The following CHRM3 variants were observed in gnomAD, a reference collection of about 807,000 sequenced individuals.
CHRM3 encodes cholinergic receptor muscarinic 3.
CHRM3 carries 11 observed loss-of-function variants against 41.8 expected under a neutral mutation model. That is an observed-to-expected ratio of 0.26 (90% CI 0.17 to 0.44). The LOEUF (loss-of-function observed/expected upper bound fraction) is 0.44, where lower values mean the gene tolerates loss of function less well. CHRM3 is among the 20% of genes least tolerant of loss of function. The pLI, the probability that CHRM3 is intolerant of heterozygous loss-of-function variation, is 1.00. For missense variants in CHRM3, 571 were observed against 745.4 expected (o/e 0.77, Z 2.72); for synonymous variants, 297 against 301.4 (o/e 0.99, Z 0.15).
At chr1:239,438,227 G>A (rs1403576430) in intron 1 of CHRM3, among the ~76,000 whole-genome samples, 3 of 151,970 alleles carry the variant, frequency 2.0e-5, no homozygotes, top group Non-Finnish European at 4.4e-5. Context: ...TAATAGTTAA[G>A]AAAGATTTAC....
intron 6 of CHRM3, among the ~76,000 whole-genome samples, chr1:239,897,141 T>G (rs1007692840): frequency 3.9e-5 from 6 of 152,164 alleles, no homozygotes; most frequent in Non-Finnish European, 5.9e-5. Flanking sequence ...TATGGCAGGT[T>G]GTTAGGCGTT....
intron 1 of CHRM3, among the ~76,000 whole-genome samples, chr1:239,446,256 C>G (rs1160857246): frequency 6.6e-6 from 1 of 152,100 alleles, no homozygotes; most frequent in African/African-American, 2.4e-5. Flanking sequence ...TCTAAACCTT[C>G]AAGACAGAAG....
chr1:239,602,127 T>TATAC lies in CHRM3; in HGVS notation c.-312-30094_-312-30093insCATA, dbSNP rs1553337694. Among the ~76,000 whole-genome samples the TATAC allele has an allele frequency of 4.3e-3, 576 of 132,630 alleles. 7 individuals carry two copies. The highest frequency in any genetic ancestry group is 0.015 in the African/African-American group (547 of 35,972). 87.0% of individuals were successfully genotyped at this position (132,630 alleles called of 152,430 possible). ...GTGTGTGTGTATATATATATATATA[T>TATAC]ATATATATATATAATTTTGTTTTTT... is the stretch of plus-strand genomic sequence containing the variant. On this transcript the variant is annotated intron_variant, in intron 3 of 6. Transcript: ENST00000676153.
intron 1 of CHRM3, among the ~76,000 whole-genome samples, chr1:239,438,844 A>T (rs57422755): frequency 1.8e-3 from 281 of 152,330 alleles, no homozygotes; most frequent in African/African-American, 6.5e-3. Context: ...TGTAATTCTC[A>T]TATAACACAA....
intron 3 of CHRM3, among the ~76,000 whole-genome samples, chr1:239,601,340 T>C (rs746590906): frequency 7.7e-4 from 118 of 152,302 alleles, no homozygotes; most frequent in Non-Finnish European, 1.5e-3. Context: ...AAGCAAATAA[T>C]TTTTTTGACC....
chr1:239,782,932 G>A lies in CHRM3; in HGVS notation c.-146-44320G>A, dbSNP rs561637126. Among the ~76,000 whole-genome samples the A allele has an allele frequency of 4.0e-5, 6 of 151,816 alleles. No individual in the cohort carries two copies. The East Asian group carries it at 1.2e-3, about 29-fold the overall frequency. Reference sequence around the variant, plus strand: ...TGGGGACTTTTCAGCTATAGTTATTGTTTTTTAATTTAGTTTCATTGTAGT... The same window carrying A: ...TGGGGACTTTTCAGCTATAGTTATTATTTTTTAATTTAGTTTCATTGTAGT... On this transcript the variant is annotated intron_variant, in intron 5 of 6. Transcript: ENST00000676153.
At chr1:239,611,007 C>T (rs1296735203) in intron 3 of CHRM3, among the ~76,000 whole-genome samples, 13 of 152,092 alleles carry the variant, frequency 8.5e-5, no homozygotes, top group East Asian at 3.9e-4. Flanking sequence ...GCCAAGATCG[C>T]GCCACTGCAC....
chr1:239,476,951 C>T (rs147275490), intron 1 of CHRM3, among the ~76,000 whole-genome samples: 10 of 152,256 alleles, frequency 6.6e-5, no homozygotes, highest in Admixed American at 1.3e-4. Context: ...AGAGGACACA[C>T]AAGGTCACTA....
chr1:239,654,521 C>G (rs990170214), intron 4 of CHRM3, among the ~76,000 whole-genome samples: 8 of 152,206 alleles, frequency 5.3e-5, no homozygotes, highest in East Asian at 1.9e-4. Context: ...GCCTCAGCCT[C>G]CCGAGTAGCT....
intron 1 of CHRM3, among the ~76,000 whole-genome samples, chr1:239,477,365 TAGA>T (rs1321440812): frequency 3.3e-5 from 5 of 152,210 alleles, no homozygotes; most frequent in Admixed American, 6.5e-5. Flanking sequence ...TAGAAAATTA[TAGA>T]AGAAGAAGGT....
At chr1:239,641,632 A>T (rs1286281160) in intron 4 of CHRM3, among the ~76,000 whole-genome samples, 9 of 146,116 alleles carry the variant, frequency 6.2e-5, no homozygotes, top group African/African-American at 1.8e-4. Context: ...ATCTTCCTCC[A>T]TCCTTTTATT....
At position 239,424,619 on chromosome 1, in the gene CHRM3, A is replaced by G. The variant is rs533161086; in HGVS notation, c.-521+37392A>G. Among the ~76,000 whole-genome samples the G allele has an allele frequency of 6.6e-5, 10 of 152,350 alleles. No individual in the cohort carries two copies. The South Asian group carries it at 2.1e-3, about 32-fold the overall frequency. ...CACATTTGTAACTGATAAATTCTAC[A>G]AAAGAGAGGGCTATGGTGCTCTGAG... is the stretch of plus-strand genomic sequence containing the variant. On this transcript the variant is annotated intron_variant, in intron 1 of 6. Transcript: ENST00000676153.
chr1:239,467,833 A>C (rs1457148925), intron 1 of CHRM3, among the ~76,000 whole-genome samples: 1 of 151,758 alleles, frequency 6.6e-6, no homozygotes, highest in Non-Finnish European at 1.5e-5. Flanking sequence ...GATCACTTTT[A>C]TTTTCTGTAT....
At chr1:239,858,447 T>C (rs1196475005) in intron 6 of CHRM3, among the ~76,000 whole-genome samples, 1 of 151,832 alleles carries the variant, frequency 6.6e-6, no homozygotes, top group African/African-American at 2.4e-5. Flanking sequence ...ATTCCTGTTT[T>C]GGTTTTTCCT....
chr1:239,618,239 A>G (rs1667852236), intron 3 of CHRM3, among the ~76,000 whole-genome samples: 1 of 148,150 alleles, frequency 6.7e-6, no homozygotes, highest in Non-Finnish European at 1.5e-5. Flanking sequence ...AAAGAGATAG[A>G]CATGTGAATA....
At chr1:239,411,799 A>G (rs1661094781) in intron 1 of CHRM3, among the ~76,000 whole-genome samples, 1 of 138,022 alleles carries the variant, frequency 7.2e-6, no homozygotes, top group Admixed American at 7.6e-5. Context: ...TATTAATTTT[A>G]TGTCATTTGG....
At chr1:239,705,282 A>G (rs16832157) in intron 5 of CHRM3, 326 of 152,284 alleles carry the variant, frequency 2.1e-3, no homozygotes, top group African/African-American at 7.5e-3. Context: ...AGCACAGTCG[A>G]CTCATGATGC....
At chr1:239,610,782 T>G (rs1666925428) in intron 3 of CHRM3, among the ~76,000 whole-genome samples, 1 of 152,088 alleles carries the variant, frequency 6.6e-6, no homozygotes, top group Non-Finnish European at 1.5e-5. Context: ...GGCCAGGCGC[T>G]GTGGCTCATG....
intron 2 of CHRM3, among the ~76,000 whole-genome samples, chr1:239,503,584 A>G (rs1235734615): frequency 6.6e-6 from 1 of 152,142 alleles, no homozygotes; most frequent in Non-Finnish European, 1.5e-5. Context: ...GAAACAAAAC[A>G]AAACAAAAGG....
Sources: allele counts gnomAD v4.1 joint callset (sites outside exome capture counted in the v4.1 genomes callset), GRCh38; gene constraint gnomAD v4.1.1; transcripts MANE v1.5; gene names NCBI Gene and HGNC (gene_info 2026-07-23, HGNC 2026-07-21).